DNAH8: variants seen among roughly 807,000 people sequenced by gnomAD.
The protein encoded by DNAH8 is dynein axonemal heavy chain 8.
DNAH8 carries 382 observed loss-of-function variants against 562.1 expected under a neutral mutation model. The ratio of observed to expected loss-of-function variants is 0.68; its 90% CI spans 0.63 to 0.74. The LOEUF is 0.74. DNAH8 is among the 30% of genes least tolerant of loss of function. The pLI is 0.00. For synonymous variants in DNAH8, 1,881 were observed against 1,919.4 expected (o/e 0.98, Z 0.52); for missense variants, 5,203 against 5,620.4 (o/e 0.93, Z 2.37).
chr6:39,019,332 A>T (rs1051786363), intron 91 of DNAH8, among the ~76,000 whole-genome samples: 1 of 152,194 alleles, frequency 6.6e-6, no homozygotes, highest in Non-Finnish European at 1.5e-5. Flanking sequence ...TGCTGGCAAG[A>T]AGTTAAGGGC....
At chr6:38,832,570 A>G (rs551773794) in intron 31 of DNAH8, 135 bp downstream of exon 31, 54 of 563,054 alleles carry the variant, frequency 9.6e-5, no homozygotes, top group African/African-American at 8.4e-4. Context: ...TATCAGAAAA[A>G]GGGGATAGCT....
At chr6:38,914,069 G>T (rs1561854929) in intron 67 of DNAH8, 117 bp downstream of exon 67, 3 of 719,850 alleles carry the variant, frequency 4.2e-6, no homozygotes, top group Non-Finnish European at 7.1e-6. Context: ...TTCCTGATAA[G>T]ATAGTGTTCA....
At chr6:38,812,287 T>A (rs1771865007) in intron 24 of DNAH8, among the ~76,000 whole-genome samples, 1 of 152,172 alleles carries the variant, frequency 6.6e-6, no homozygotes, top group African/African-American at 2.4e-5. Flanking sequence ...ATTTGAGCAT[T>A]CTCATGTCCT....
intron 32 of DNAH8, 64 bp downstream of exon 32, chr6:38,834,705 A>G (rs1410531669): frequency 6.2e-6 from 8 of 1,296,534 alleles, no homozygotes; most frequent in South Asian, 5.1e-5. Flanking sequence ...TTGGGGAAAG[A>G]TGGAGGTTTT....
intron 85 of DNAH8, among the ~76,000 whole-genome samples, chr6:38,977,379 C>T (rs1763746123): frequency 6.6e-6 from 1 of 152,196 alleles, no homozygotes; most frequent in South Asian, 2.1e-4. Flanking sequence ...GAAGCCCCCA[C>T]CCCTGCTGCA....
At chr6:38,819,720 A>G (rs928449968) in intron 26 of DNAH8, among the ~76,000 whole-genome samples, 4 of 152,198 alleles carry the variant, frequency 2.6e-5, no homozygotes, top group Admixed American at 1.3e-4. Flanking sequence ...TAAAGATTAT[A>G]TATAGAAAAT....
chr6:38,949,272 G>A (rs1038682631), intron 80 of DNAH8, among the ~76,000 whole-genome samples, 180 bp from the exon 81 acceptor site: 27 of 152,246 alleles, frequency 1.8e-4, no homozygotes, highest in African/African-American at 6.3e-4. Flanking sequence ...GAACTGGAAG[G>A]GAATAGTAAT....
At chr6:39,000,853 G>A (rs143048320) in intron 88 of DNAH8, among the ~76,000 whole-genome samples, 46 of 152,316 alleles carry the variant, frequency 3.0e-4, no homozygotes, top group African/African-American at 1.0e-3. Context: ...AAAAAGGTTG[G>A]GAACCGCTGT....
rs1244685150 is a variant in DNAH8 at position 38,755,955 on chromosome 6, A to T, written c.1408-17A>T. The T allele has an allele frequency of 7.1e-7, 1 of 1,401,354 alleles. No individual in the cohort carries two copies. Among genetic ancestry groups the T allele is most frequent in the Non-Finnish European group, 1.0e-6 (1 of 987,500 alleles). The allele number at this position is 1,401,354 out of a possible 1,614,324, so 86.8% of individuals were successfully genotyped here. On this transcript the variant is annotated splice_polypyrimidine_tract_variant and intron_variant, in intron 9 of 92. Transcript: ENST00000327475. ...ATATGCATATGATGGAATTCACTTA[A>T]TTTGTTTCAATGTTAGGTTTCCATG...
Position 38,982,353 on chromosome 6 carries a change from GA to G in DNAH8, c.12846del (p.Lys4282AsnfsTer5). 6.3e-7 allele frequency: 1 copy of G among 1,579,410 alleles called. No individual in the cohort carries two copies. The highest frequency in any genetic ancestry group is 8.7e-7 in the Non-Finnish European group (1 of 1,150,134). ...TTCTTTGGTGTTTTTAAGGAGCGAC[GA>G]AAATTTGGCCCCTTAGGATGGAATA... ...AFLHSTVQER[R>X]KFGPLGWNIP... On this transcript the variant is annotated frameshift_variant, in exon 86 of 93. Transcript: ENST00000327475. LOFTEE classifies it high-confidence loss of function.
intron 33 of DNAH8, among the ~76,000 whole-genome samples, chr6:38,841,773 AGTGG>A (rs1774819343): frequency 6.6e-6 from 1 of 151,786 alleles, no homozygotes; most frequent in Admixed American, 6.6e-5. Context: ...GCTGGAGTGC[AGTGG>A]TGCAATCATA....
At chr6:38,882,876 G>A (rs1279718487) in intron 53 of DNAH8, 34 bp from the exon 54 acceptor site, 6 of 1,447,822 alleles carry the variant, frequency 4.1e-6, no homozygotes, top group Non-Finnish European at 5.5e-6. Context: ...ACAGAATATG[G>A]TTCTATTAAG....
rs137889757 is a variant in DNAH8, at chr6:38,911,538, G to T, written c.9811G>T (p.Ala3271Ser). The T allele has an allele frequency of 3.4e-5, 55 of 1,613,694 alleles. No homozygotes were observed. The African/African-American group carries it at 5.3e-4, about 16-fold the overall frequency. Residue 3271 changes from alanine (A) to serine (S), a missense_variant, in exon 66 of 93, where the codon GCT becomes TCT. Ala to Ser is a moderately conservative substitution (Grantham distance 99). Around this residue, in one of 6 missense-constraint regions of DNAH8, gnomAD observed 977 missense variants for 1,061.8 expected, o/e 0.92. Coordinates refer to ENST00000327475, the MANE Select transcript of DNAH8 (RefSeq NM_001206927.2). ...TATAAATGGTTATAAAAACATTTAT[G>T]CTGAAAAGGTGAAGTTCATTAATGA... is the stretch of plus-strand genomic sequence containing the variant. ...SFINGYKNIY[A>S]EKVKFINEQA... is the part of the protein sequence containing the mutation.
chr6:38,899,004 C>T (rs1223166052), intron 61 of DNAH8, among the ~76,000 whole-genome samples: 1 of 152,212 alleles, frequency 6.6e-6, no homozygotes, highest in Non-Finnish European at 1.5e-5. Flanking sequence ...AGAATTTACA[C>T]ATACCAGGGT....
chr6:38,998,742 C>T (rs1765300430), intron 88 of DNAH8, among the ~76,000 whole-genome samples: 1 of 152,152 alleles, frequency 6.6e-6, no homozygotes, highest in Admixed American at 6.5e-5. Flanking sequence ...CCAGAACCAC[C>T]AAGCTACAAG....
At chr6:38,862,225 A>G (rs995603435) in intron 43 of DNAH8, 55 bp from the exon 44 acceptor site, 47 of 1,525,112 alleles carry the variant, frequency 3.1e-5, no homozygotes, top group Middle Eastern at 1.7e-4. Flanking sequence ...TGCTTGCGCC[A>G]TCCTGTAACG....
intron 33 of DNAH8, among the ~76,000 whole-genome samples, chr6:38,838,530 C>G (rs1045031634): frequency 2.0e-5 from 3 of 152,056 alleles, no homozygotes; most frequent in Non-Finnish European, 2.9e-5. Flanking sequence ...TTCCGAATAG[C>G]TGGGACTACA....
At chr6:38,962,691 A>G (rs915765212) in intron 82 of DNAH8, among the ~76,000 whole-genome samples, 6 of 152,220 alleles carry the variant, frequency 3.9e-5, no homozygotes, top group African/African-American at 1.4e-4. Flanking sequence ...TCAATTAGTT[A>G]TATATTGTTG....
intron 85 of DNAH8, among the ~76,000 whole-genome samples, chr6:38,975,820 A>G (rs553921964): frequency 6.6e-6 from 1 of 152,354 alleles, no homozygotes; most frequent in Admixed American, 6.5e-5. Flanking sequence ...CAATTCACAA[A>G]TAATATTTTA....
Sources: allele counts gnomAD v4.1 joint callset (sites outside exome capture counted in the v4.1 genomes callset), GRCh38; gene constraint gnomAD v4.1.1; regional missense constraint gnomAD v4.1.1; transcripts MANE v1.5; gene names NCBI Gene and HGNC (gene_info 2026-07-23, HGNC 2026-07-21).